The following KCTD7 variants were observed in gnomAD, a reference collection of about 807,000 sequenced individuals.
KCTD7 encodes potassium channel tetramerization domain containing 7, also known as BTB/POZ domain-containing protein KCTD7.
KCTD7 carries 15 observed loss-of-function variants against 27.0 expected under a neutral mutation model. The ratio of observed to expected loss-of-function variants is 0.56; its 90% CI spans 0.37 to 0.86. The LOEUF is 0.86. Ranked by LOEUF, KCTD7 falls within the 40% of genes least tolerant of loss-of-function variation. The pLI is 0.00. For synonymous variants in KCTD7, 159 were observed against 162.7 expected (o/e 0.98, Z 0.17); for missense variants, 299 against 398.9 (o/e 0.75, Z 2.13).
chr7:66,639,871 C>T lies in KCTD7; in HGVS notation c.*639C>T, dbSNP rs568449939. The T allele has an allele frequency of 2.3e-5, 29 of 1,246,728 alleles. No individual in the cohort carries two copies. In the South Asian group the frequency reaches 5.8e-4, roughly 25 times the overall value. The allele number at this position is 1,246,728 out of a possible 1,614,324, so 77.2% of individuals were successfully genotyped here. On this transcript the variant is annotated 3_prime_UTR_variant, in exon 4 of 4. Transcript: ENST00000639828. ...TTTAACCATAGCTGCCAAAGCTATG[C>T]ACCCAGTTGGCCTTAGAAAACCACA... is the stretch of plus-strand genomic sequence containing the variant.
intron 1 of KCTD7, among the ~76,000 whole-genome samples, chr7:66,629,660 G>T (rs1004092592): frequency 2.0e-5 from 3 of 151,954 alleles, no homozygotes; most frequent in Non-Finnish European, 2.9e-5. Context: ...ACATAGCGAG[G>T]CCCCGTCCCT....
In KCTD7 at chr7:66,639,413, G is replaced by T. The variant is rs1562650399; in HGVS notation, c.*181G>T. ...TCCAATCTCCCTGACTGCACCTCAG[G>T]GTTGGGCTCAGGGCTTGCGGCCTGC... is the stretch of plus-strand genomic sequence containing the variant. On this transcript the variant is annotated 3_prime_UTR_variant, in exon 4 of 4. Coordinates refer to ENST00000639828, the MANE Select transcript of KCTD7 (RefSeq NM_153033.5). 6.7e-7 allele frequency: 1 copy of T among 1,494,416 alleles called. No individual in the cohort carries two copies. The highest frequency in any genetic ancestry group is 8.9e-7 in the Non-Finnish European group (1 of 1,124,272). The allele number at this position is 1,494,416 out of a possible 1,614,324, so 92.6% of individuals were successfully genotyped here.
chr7:66,637,452 A>G (rs1786613522), intron 2 of KCTD7, among the ~76,000 whole-genome samples: 1 of 152,204 alleles, frequency 6.6e-6, no homozygotes, highest in African/African-American at 2.4e-5. Context: ...GAAACAACCC[A>G]AATGTCCATC....
chr7:66,638,826 T>C (rs1385016858), intron 3 of KCTD7, 30 bp from the exon 4 acceptor site: 2 of 1,613,234 alleles, frequency 1.2e-6, no homozygotes, highest in African/African-American at 2.7e-5. Flanking sequence ...CTCTTCACCC[T>C]AGTGATAGGT....
At position 66,640,771 on chromosome 7, in the gene KCTD7, A is replaced by G. The variant is rs1002307000; in HGVS notation, c.*1539A>G. The stretch of plus-strand genomic sequence containing the variant: ...CTTGAGCCCAGGAGATTAAGACTGT[A>G]GTATACTATGATCGTGCCTGTGGCT... On this transcript the variant is annotated 3_prime_UTR_variant, in exon 4 of 4. Coordinates refer to ENST00000639828, the MANE Select transcript of KCTD7 (RefSeq NM_153033.5). The G allele has an allele frequency of 2.9e-6, 3 of 1,021,544 alleles. No homozygotes were observed. The highest frequency in any genetic ancestry group is 4.6e-4 in the Middle Eastern group (1 of 2,152). The allele number at this position is 1,021,544 out of a possible 1,614,324, so 63.3% of individuals were successfully genotyped here. A position where few individuals can be genotyped will look rare whatever the true frequency, so the allele number is the denominator to read the frequency against.
intron 2 of KCTD7, among the ~76,000 whole-genome samples, chr7:66,637,029 A>T (rs1786601903): frequency 6.6e-6 from 1 of 152,204 alleles, no homozygotes; most frequent in South Asian, 2.1e-4. Context: ...CCTATGACTG[A>T]ATGACTCTAC....
Position 66,641,804 on chromosome 7 carries a change from C to T in KCTD7, c.*2572C>T, listed in dbSNP as rs889828618. ...AATTAGATGTGGTGGATTGTGGTAACGGCCTCCAGATAAAGGGGTTATCCC... is the reference window on the plus strand; with the variant it reads ...AATTAGATGTGGTGGATTGTGGTAATGGCCTCCAGATAAAGGGGTTATCCC... On this transcript the variant is annotated 3_prime_UTR_variant, in exon 4 of 4. Coordinates refer to ENST00000639828, the MANE Select transcript of KCTD7 (RefSeq NM_153033.5). 48 of 985,276 alleles carry T rather than the reference C, an allele frequency of 4.9e-5. No homozygotes were observed. The highest frequency in any genetic ancestry group is 2.3e-4 in the East Asian group (2 of 8,826). The allele number at this position is 985,276 out of a possible 1,614,324, so 61.0% of individuals were successfully genotyped here.
Position 66,640,026 on chromosome 7 carries a change from G to A in KCTD7, c.*794G>A, listed in dbSNP as rs1384495164. ...TTCTTTTGAAGATTCCCCAAGTCAAGCAGGCAAGATGCCTAGATCTTCTGT... is the reference window on the plus strand; with the variant it reads ...TTCTTTTGAAGATTCCCCAAGTCAAACAGGCAAGATGCCTAGATCTTCTGT... On this transcript the variant is annotated 3_prime_UTR_variant, in exon 4 of 4. Transcript: ENST00000639828. 2 of 1,256,048 alleles carry A rather than the reference G, an allele frequency of 1.6e-6. No homozygotes were observed. The highest frequency in any genetic ancestry group is 3.1e-5 in the African/African-American group (2 of 64,612). The allele number at this position is 1,256,048 out of a possible 1,614,324, so 77.8% of individuals were successfully genotyped here.
At position 66,639,823 on chromosome 7, in the gene KCTD7, T is replaced by C; in HGVS notation, c.*591T>C. 2 of 1,248,826 alleles carry C rather than the reference T, an allele frequency of 1.6e-6. No homozygotes were observed. Among genetic ancestry groups the C allele is most frequent in the Non-Finnish European group, 2.0e-6 (2 of 997,468 alleles). The allele number at this position is 1,248,826 out of a possible 1,614,324, so 77.4% of individuals were successfully genotyped here. The stretch of plus-strand genomic sequence containing the variant: ...AGACTTTTCTTTTCCTTCCGGAACA[T>C]GTTCTTCACCACCTTTTGGAGATTT... On this transcript the variant is annotated 3_prime_UTR_variant, in exon 4 of 4. Transcript: ENST00000639828.
rs1414064251 is a variant in KCTD7 at position 66,641,866 on chromosome 7, A to G, written c.*2634A>G. 1 of 985,326 alleles carries G rather than the reference A, an allele frequency of 1.0e-6. No homozygotes were observed. The highest frequency in any genetic ancestry group is 1.2e-6 in the Non-Finnish European group (1 of 829,954). 61.0% of individuals were successfully genotyped at this position (985,326 alleles called of 1,614,324 possible). A position where few individuals can be genotyped will look rare whatever the true frequency, so the allele number is the denominator to read the frequency against. The stretch of plus-strand genomic sequence containing the variant: ...CTTTTCCCCATTTGATCCCTTTTCA[A>G]CTCTAAATGGCCAGGCCCAGAACAG... On this transcript the variant is annotated 3_prime_UTR_variant, in exon 4 of 4. Transcript: ENST00000639828.
At chr7:66,638,617 G>T in intron 3 of KCTD7, 186 bp downstream of exon 3, 1 of 793,040 alleles carries the variant, frequency 1.3e-6, no homozygotes, top group South Asian at 1.8e-5. Context: ...CCTGGCCTAT[G>T]ACAGTTAGCA....
chr7:66,642,482 A>C lies in KCTD7; in HGVS notation c.*3250A>C. The C allele has an allele frequency of 1.0e-6, 1 of 985,432 alleles. No homozygotes were observed. The highest frequency in any genetic ancestry group is 1.2e-6 in the Non-Finnish European group (1 of 829,936). 61.0% of individuals were successfully genotyped at this position (985,432 alleles called of 1,614,324 possible). Reference sequence around the variant, plus strand: ...TAAGACACAGGCGGTGTGAGCATCCATGTGTGGTCTTGGTCTAAACCAGCT... The same window carrying C: ...TAAGACACAGGCGGTGTGAGCATCCCTGTGTGGTCTTGGTCTAAACCAGCT... On this transcript the variant is annotated 3_prime_UTR_variant, in exon 4 of 4. Coordinates refer to ENST00000639828, the MANE Select transcript of KCTD7 (RefSeq NM_153033.5).
At chr7:66,634,609 A>G (rs1342693665) in intron 2 of KCTD7, among the ~76,000 whole-genome samples, 2 of 152,122 alleles carry the variant, frequency 1.3e-5, no homozygotes, top group South Asian at 2.1e-4. Context: ...ACATAGGGGG[A>G]TAGTCTAAAA....
intron 3 of KCTD7, 42 bp downstream of exon 3, chr7:66,638,473 G>C (rs1329085940): frequency 6.2e-7 from 1 of 1,601,384 alleles, no homozygotes; most frequent in East Asian, 2.2e-5. Flanking sequence ...GTGGGAGGAG[G>C]TCTGCAAGGC....
chr7:66,631,790 A>G (rs1487608531), intron 1 of KCTD7, among the ~76,000 whole-genome samples: 7 of 152,080 alleles, frequency 4.6e-5, no homozygotes, highest in Non-Finnish European at 1.0e-4. Flanking sequence ...TTCCTCACTC[A>G]GCCCTTACCT....
chr7:66,640,351 CCTCA>C lies in KCTD7; in HGVS notation c.*1123_*1126del. 1 of 1,536,544 alleles carries C rather than the reference CCTCA, an allele frequency of 6.5e-7. No individual in the cohort carries two copies. ...TCACTTCTTTATATTTTGTTTTACTCCTCACTCCTGTATATTTTGGTTTACTTAC... is the reference window on the plus strand; with the variant it reads ...TCACTTCTTTATATTTTGTTTTACTCCTCCTGTATATTTTGGTTTACTTAC... On this transcript the variant is annotated 3_prime_UTR_variant, in exon 4 of 4. Coordinates refer to ENST00000639828, the MANE Select transcript of KCTD7 (RefSeq NM_153033.5).
intron 2 of KCTD7, among the ~76,000 whole-genome samples, chr7:66,633,817 A>T (rs1185006206): frequency 3.3e-5 from 5 of 151,734 alleles, no homozygotes; most frequent in Admixed American, 2.0e-4. Flanking sequence ...GTGAAACCCC[A>T]TCTCTACTAA....
Position 66,640,832 on chromosome 7 carries a change from A to AAAATAAAT in KCTD7, c.*1617_*1624dup, listed in dbSNP as rs910395942. The AAAATAAAT allele has an allele frequency of 3.1e-6, 3 of 973,260 alleles. No homozygotes were observed. In the Admixed American group the frequency reaches 1.8e-4, roughly 59 times the overall value. 60.3% of individuals were successfully genotyped at this position (973,260 alleles called of 1,614,324 possible). On this transcript the variant is annotated 3_prime_UTR_variant, in exon 4 of 4. Transcript: ENST00000639828. Reference sequence around the variant, plus strand: ...CTCCAGCCTGGGCAACACCATCGTAAAAATAAATAAATAAATAAATAAATT... The same window carrying AAAATAAAT: ...CTCCAGCCTGGGCAACACCATCGTAAAAATAAATAAATAAATAAATAAATAAATAAATT...
intron 2 of KCTD7, among the ~76,000 whole-genome samples, 199 bp downstream of exon 2, chr7:66,633,643 G>A (rs1296890898): frequency 6.7e-6 from 1 of 148,778 alleles, no homozygotes; most frequent in African/African-American, 2.5e-5. Context: ...AGAGAAATTC[G>A]AAATAACACA....
Sources: allele counts gnomAD v4.1 joint callset (sites outside exome capture counted in the v4.1 genomes callset), GRCh38; gene constraint gnomAD v4.1.1; transcripts MANE v1.5; gene names NCBI Gene and HGNC (gene_info 2026-07-23, HGNC 2026-07-21).